The following ADAM22 variants were observed in gnomAD, a reference collection of about 807,000 sequenced individuals.
The protein encoded by ADAM22 is ADAM metallopeptidase domain 22.
ADAM22 carries 65 observed loss-of-function variants against 144.6 expected under a neutral mutation model. The observed-to-expected ratio is 0.45, with a 90% CI of 0.37 to 0.55. The LOEUF (loss-of-function observed/expected upper bound fraction) is 0.55. ADAM22 is among the 20% of genes least tolerant of loss of function. The pLI, the probability that ADAM22 is intolerant of heterozygous loss-of-function variation, is 0.00. For missense variants in ADAM22, 974 were observed against 1,184.9 expected (o/e 0.82, Z 2.61); for synonymous variants, 391 against 412.6 (o/e 0.95, Z 0.63).
intron 2 of ADAM22, among the ~76,000 whole-genome samples, chr7:87,963,155 TTGG>T (rs1848345766): frequency 2.0e-5 from 3 of 152,142 alleles, no homozygotes; most frequent in Admixed American, 1.3e-4. Flanking sequence ...GGTTCAGGAC[TTGG>T]TGGTGGTGGT....
rs1238556950 is a variant in ADAM22, at chr7:88,200,118, G to C, written c.*3627G>C. ...GGGATTTTGTTCTTTATGTTTTACA[G>C]TTACCTTCGGACCAGAAGATATATG... On this transcript the variant is annotated 3_prime_UTR_variant, in exon 32 of 32. Coordinates refer to ENST00000413139, the MANE Select transcript of ADAM22 (RefSeq NM_001324418.2). 3 of 152,082 alleles carry C rather than the reference G, an allele frequency of 2.0e-5. No homozygotes were observed. Among genetic ancestry groups the C allele is most frequent in the African/African-American group, 7.2e-5 (3 of 41,400 alleles). The allele number at this position is 152,082 out of a possible 1,614,324, so 9.4% of individuals were successfully genotyped here. A position where few individuals can be genotyped will look rare whatever the true frequency, so the allele number is the denominator to read the frequency against.
In ADAM22 at chr7:88,196,478, A is replaced by G; in HGVS notation, c.2882A>G (p.Glu961Gly). 6.2e-7 allele frequency: 1 copy of G among 1,614,062 alleles called. No homozygotes were observed. Among genetic ancestry groups the G allele is most frequent in the South Asian group, 1.1e-5 (1 of 91,078 alleles). ...CTCTTTTCTGTTGTGCAGCTATGGG[A>G]GACATCCATTTAAGATCAACTGTTT... ...KVNRQSARLW[E>G]TSI The change falls in exon 32 of 32, where the codon GAG becomes GGG. Residue 961 changes from glutamate (E) to glycine (G), a missense_variant. Physicochemically the swap from Glu to Gly is moderately conservative, Grantham distance 98. Coordinates refer to ENST00000413139, the MANE Select transcript of ADAM22 (RefSeq NM_001324418.2).
chr7:87,958,405 G>T (rs1271304468), intron 2 of ADAM22, among the ~76,000 whole-genome samples: 1 of 150,148 alleles, frequency 6.7e-6, no homozygotes, highest in Middle Eastern at 3.2e-3. Flanking sequence ...TTTTTTTTGA[G>T]ATGGAGTTTC....
At chr7:88,000,080 A>C (rs927264817) in intron 3 of ADAM22, among the ~76,000 whole-genome samples, 4 of 152,354 alleles carry the variant, frequency 2.6e-5, no homozygotes, top group African/African-American at 7.2e-5. Context: ...TGCTGGAAAT[A>C]ATATATTTTC....
intron 3 of ADAM22, among the ~76,000 whole-genome samples, chr7:87,982,588 A>AT (rs1462130668): frequency 7.1e-6 from 1 of 140,674 alleles, no homozygotes; most frequent in Admixed American, 7.4e-5. Flanking sequence ...GAGGTTATTG[A>AT]TTTTTCCCCA....
At chr7:87,947,430 C>T (rs553517465) in intron 2 of ADAM22, among the ~76,000 whole-genome samples, 6 of 151,974 alleles carry the variant, frequency 3.9e-5, no homozygotes, top group Non-Finnish European at 7.4e-5. Flanking sequence ...AAGGTGAAGC[C>T]ATTCTGGCTA....
rs1282527209 is a variant in ADAM22 at position 87,934,294 on chromosome 7, A to G, written c.-172A>G. On this transcript the variant is annotated 5_prime_UTR_variant, in exon 1 of 32. It removes an upstream start codon present in the reference 5' UTR. Coordinates refer to ENST00000413139, the MANE Select transcript of ADAM22 (RefSeq NM_001324418.2). ...CCAGCGGAAGCGTCCGCGAAGCACA[A>G]TGCAGCACTGAGCCGCGGTGGAGGT... The G allele has an allele frequency of 1.2e-5, 7 of 587,936 alleles. No individual in the cohort carries two copies. Among genetic ancestry groups the G allele is most frequent in the South Asian group, 8.7e-5 (4 of 46,010 alleles). The allele number at this position is 587,936 out of a possible 1,614,324, so 36.4% of individuals were successfully genotyped here. A position where few individuals can be genotyped will look rare whatever the true frequency, so the allele number is the denominator to read the frequency against.
intron 24 of ADAM22, among the ~76,000 whole-genome samples, chr7:88,166,761 A>G (rs1178547119): frequency 1.3e-5 from 2 of 152,262 alleles, no homozygotes; most frequent in East Asian, 3.9e-4. Flanking sequence ...TAGCAGTGGT[A>G]GTGTGGAGCT....
intron 4 of ADAM22, among the ~76,000 whole-genome samples, chr7:88,106,828 G>T (rs1172605120): frequency 6.6e-6 from 1 of 152,118 alleles, no homozygotes; most frequent in Non-Finnish European, 1.5e-5. Context: ...GCTTGTCTCT[G>T]AACTGCACTC....
At chr7:88,092,286 C>T (rs35969501) in intron 4 of ADAM22, among the ~76,000 whole-genome samples, 3,032 of 152,268 alleles carry the variant, frequency 0.02, 58 homozygotes, top group Middle Eastern at 0.048. Context: ...CCCATCCCCC[C>T]TACCTCTTTT....
intron 2 of ADAM22, among the ~76,000 whole-genome samples, chr7:87,967,356 A>C (rs1222889373): frequency 2.6e-5 from 4 of 152,210 alleles, no homozygotes; most frequent in Non-Finnish European, 5.9e-5. Flanking sequence ...ACTCACATGA[A>C]GTAGCTCTTT....
chr7:88,141,466 A>G (rs1214251327), intron 14 of ADAM22, among the ~76,000 whole-genome samples: 3 of 152,226 alleles, frequency 2.0e-5, no homozygotes, highest in South Asian at 4.1e-4. Flanking sequence ...TAGAAGAAGT[A>G]GGGATATAAA....
chr7:88,003,441 C>G (rs1237954828), intron 3 of ADAM22, among the ~76,000 whole-genome samples: 1 of 152,208 alleles, frequency 6.6e-6, no homozygotes, highest in African/African-American at 2.4e-5. Flanking sequence ...TGCTGCAACT[C>G]AGGTATTCCC....
In ADAM22 at chr7:87,997,306, C is replaced by T. The variant is rs143312904; in HGVS notation, c.323+18894C>T. Among the ~76,000 whole-genome samples the T allele has an allele frequency of 3.1e-3, 474 of 152,354 alleles. 2 individuals carry two copies. The highest frequency in any genetic ancestry group is 8.9e-3 in the East Asian group (46 of 5,194). On this transcript the variant is annotated intron_variant, in intron 3 of 31. Coordinates refer to ENST00000413139, the MANE Select transcript of ADAM22 (RefSeq NM_001324418.2). The stretch of plus-strand genomic sequence containing the variant: ...AACATTTTGTAAACTTGGAGCTCCT[C>T]ATTTGGCAATAAAAGCCTCACTTAA...
At chr7:88,188,593 G>T (rs1259806407) in intron 30 of ADAM22, among the ~76,000 whole-genome samples, 2 of 152,214 alleles carry the variant, frequency 1.3e-5, no homozygotes, top group Admixed American at 6.5e-5. Flanking sequence ...GTTAATAAGG[G>T]TGATAAGATT....
At chr7:88,060,174 G>A (rs1298437536) in intron 3 of ADAM22, among the ~76,000 whole-genome samples, 2 of 152,140 alleles carry the variant, frequency 1.3e-5, no homozygotes, top group Non-Finnish European at 2.9e-5. Flanking sequence ...CGGGGGTCTT[G>A]CCTCAGTGTT....
chr7:88,158,302 T>A (rs1302035568), intron 22 of ADAM22, among the ~76,000 whole-genome samples: 1 of 152,078 alleles, frequency 6.6e-6, no homozygotes, highest in Non-Finnish European at 1.5e-5. Flanking sequence ...ACAATAACAG[T>A]AGGAGACTTC....
At position 88,193,110 on chromosome 7, in the gene ADAM22, T is replaced by G; in HGVS notation, c.2751-6T>G. 1.2e-6 allele frequency: 2 copies of G among 1,613,946 alleles called. No individual in the cohort carries two copies. Among genetic ancestry groups the G allele is most frequent in the Non-Finnish European group, 1.7e-6 (2 of 1,179,882 alleles). Reference sequence around the variant, plus strand: ...TGATACTTAATTCATGTTCTCAACATCTCAGGACTTTATCTCCTGCCAAGT... The same window carrying G: ...TGATACTTAATTCATGTTCTCAACAGCTCAGGACTTTATCTCCTGCCAAGT... On this transcript the variant is annotated splice_polypyrimidine_tract_variant and splice_region_variant and intron_variant, in intron 30 of 31. Coordinates refer to ENST00000413139, the MANE Select transcript of ADAM22 (RefSeq NM_001324418.2).
chr7:87,950,043 T>C (rs1844657597), intron 2 of ADAM22, among the ~76,000 whole-genome samples: 3 of 151,978 alleles, frequency 2.0e-5, no homozygotes, highest in Admixed American at 1.3e-4. Flanking sequence ...ATCAGAAAAA[T>C]ATACCAGTAG....
Sources: gnomAD v4.1 joint callset for allele counts (sites outside exome capture counted in the v4.1 genomes callset) on GRCh38, gnomAD v4.1.1 for gene constraint, MANE v1.5 for transcripts, NCBI Gene and HGNC (gene_info 2026-07-23, HGNC 2026-07-21) for gene names.